Variants in SMAD2 observed in about 807,000 individuals in gnomAD.
The protein encoded by SMAD2 is SMAD family member 2, also known as MAD homolog 2.
A neutral mutation model predicts 64.4 loss-of-function variants in SMAD2; 8 were observed. That is an observed-to-expected ratio of 0.12 (90% confidence interval 0.07 to 0.22). SMAD2 has a LOEUF of 0.22. Among genes scored for constraint, SMAD2 ranks in the 10% least tolerant of loss-of-function variants. The pLI is 1.00. For missense variants in SMAD2, 289 were observed against 561.2 expected (o/e 0.51, Z 4.90); for synonymous variants, 203 against 195.8 (o/e 1.04, Z -0.31).
At position 47,856,093 on chromosome 18, in the gene SMAD2, G is replaced by A. The variant is rs571388374; in HGVS notation, c.731-4766C>T. Among the ~76,000 whole-genome samples, 111 of 151,740 alleles carry A rather than the reference G, an allele frequency of 7.3e-4. 5 individuals carry two copies. The South Asian group carries it at 0.023, about 31-fold the overall frequency. On this transcript the variant is annotated intron_variant, in intron 6 of 10. Transcript: ENST00000262160. ...TGAATCTGGAAGACATTATGCCAAG[G>A]AAATTAGGTGGACATAGAAAGACAC...
rs1188123733 is a variant in SMAD2 at position 47,814,744 on chromosome 18, A to T, written c.*27083T>A. 2 of 152,284 alleles carry T rather than the reference A, an allele frequency of 1.3e-5. No homozygotes were observed. Among genetic ancestry groups the T allele is most frequent in the Non-Finnish European group, 2.9e-5 (2 of 68,118 alleles). The allele number at this position is 152,284 out of a possible 1,614,324, so 9.4% of individuals were successfully genotyped here. On this transcript the variant is annotated 3_prime_UTR_variant, in exon 11 of 11. Transcript: ENST00000262160. Reference sequence around the variant, plus strand: ...GCACTAGCTCAGCATTGGTGGAAGGAGGTGTCTAGTCAGTCTGAGAAAATG... The same window carrying T: ...GCACTAGCTCAGCATTGGTGGAAGGTGGTGTCTAGTCAGTCTGAGAAAATG...
intron 1 of SMAD2, among the ~76,000 whole-genome samples, chr18:47,919,469 TACACACACACACACACAC>T (rs66523523): frequency 0.011 from 1,470 of 129,966 alleles, 22 homozygotes; most frequent in African/African-American, 0.032. Flanking sequence ...AAAAAAAAAA[TACACACACACACACACAC>T]ACACACACAC....
intron 2 of SMAD2, among the ~76,000 whole-genome samples, chr18:47,884,408 C>G (rs1242907938): frequency 6.6e-6 from 1 of 152,074 alleles, no homozygotes; most frequent in African/African-American, 2.4e-5. Flanking sequence ...CTACAGCCAG[C>G]AAGTGGAAGA....
In SMAD2 at chr18:47,841,892, G is replaced by T; in HGVS notation, c.1339C>A (p.Gln447Lys). The change falls in exon 11 of 11, where the codon CAG becomes AAG. Residue 447 changes from glutamine to lysine, a missense_variant. Coordinates refer to ENST00000262160, the MANE Select transcript of SMAD2 (RefSeq NM_005901.6). ...WIELHLNGPL[Q>K]WLDKVLTQMG... ...TGAGTTAATACTTTGTCCAACCACT[G>T]TAGAGGTCCATTCAGATGAAGTTCA... The T allele has an allele frequency of 1.2e-6, 2 of 1,613,956 alleles. No individual in the cohort carries two copies. The highest frequency in any genetic ancestry group is 1.7e-6 in the Non-Finnish European group (2 of 1,179,846).
At chr18:47,923,900 T>TA (rs1319718056) in intron 1 of SMAD2, among the ~76,000 whole-genome samples, 2 of 151,884 alleles carry the variant, frequency 1.3e-5, no homozygotes, top group Non-Finnish European at 2.9e-5. Context: ...AAACATTTTT[T>TA]AAAAAAAAGT....
At chr18:47,928,939 CTATT>C (rs1288557878) in intron 1 of SMAD2, among the ~76,000 whole-genome samples, 2 of 152,210 alleles carry the variant, frequency 1.3e-5, no homozygotes, top group Admixed American at 1.3e-4. Context: ...AAGATGTGAA[CTATT>C]TATATTTACT....
Position 47,838,263 on chromosome 18 carries a change from T to G in SMAD2, c.*3564A>C, listed in dbSNP as rs150782970. The G allele has an allele frequency of 5.4e-4, 125 of 233,124 alleles. No individual in the cohort carries two copies. Among genetic ancestry groups the G allele is most frequent in the African/African-American group, 2.7e-3 (121 of 45,442 alleles). The allele number at this position is 233,124 out of a possible 1,614,324, so 14.4% of individuals were successfully genotyped here. On this transcript the variant is annotated 3_prime_UTR_variant, in exon 11 of 11. Transcript: ENST00000262160. ...AAATCAAGCAAAACTCAATGTGGCT[T>G]AAGGTAAAAAATACAACTAGGTATT...
intron 2 of SMAD2, among the ~76,000 whole-genome samples, chr18:47,876,748 TGACTTTTGAAAACTGAAATTAAAATTTA>T (rs1345116069): frequency 2.0e-5 from 3 of 152,094 alleles, no homozygotes; most frequent in Non-Finnish European, 2.9e-5. Flanking sequence ...AAGAATAAGC[TGACTTTTGAAAACTGAAATTAAAATTTA>T]ATATCTAGTG....
intron 2 of SMAD2, chr18:47,878,244 T>C (rs2032379786): frequency 6.6e-6 from 1 of 152,192 alleles, no homozygotes; most frequent in Non-Finnish European, 1.5e-5. Context: ...AAAAATAAAC[T>C]AATACCAAGT....
chr18:47,911,062 G>C (rs1030241794), intron 1 of SMAD2, among the ~76,000 whole-genome samples: 2 of 152,080 alleles, frequency 1.3e-5, no homozygotes, highest in African/African-American at 4.8e-5. Context: ...GAAAATAATG[G>C]CCATAACTGC....
At chr18:47,926,994 G>C (rs943007310) in intron 1 of SMAD2, among the ~76,000 whole-genome samples, 1 of 152,148 alleles carries the variant, frequency 6.6e-6, no homozygotes, top group Non-Finnish European at 1.5e-5. Context: ...TATTAGGCTA[G>C]GGCTCTCTGA....
intron 2 of SMAD2, among the ~76,000 whole-genome samples, chr18:47,877,810 G>T (rs2032353660): frequency 6.6e-6 from 1 of 151,886 alleles, no homozygotes; most frequent in Non-Finnish European, 1.5e-5. Context: ...GAAAATTTGA[G>T]ATATTCCTGA....
At position 47,830,124 on chromosome 18, in the gene SMAD2, TGTG is replaced by T. The variant is rs767161658; in HGVS notation, c.*11700_*11702del. 1.3e-5 allele frequency: 2 copies of T among 152,220 alleles called. No individual in the cohort carries two copies. The highest frequency in any genetic ancestry group is 4.8e-5 in the African/African-American group (2 of 41,462). 9.4% of individuals were successfully genotyped at this position (152,220 alleles called of 1,614,324 possible). A position where few individuals can be genotyped will look rare whatever the true frequency, so the allele number is the denominator to read the frequency against. On this transcript the variant is annotated 3_prime_UTR_variant, in exon 11 of 11. Transcript: ENST00000262160. ...GTGATTGACGATGTACATTTTTAAA[TGTG>T]GTGATAACACGTTATTATTCATGAT...
intron 1 of SMAD2, among the ~76,000 whole-genome samples, chr18:47,917,180 T>C (rs1219343840): frequency 6.6e-6 from 1 of 152,242 alleles, no homozygotes; most frequent in African/African-American, 2.4e-5. Context: ...AATTGTACTC[T>C]TCCAATCCTT....
At position 47,823,569 on chromosome 18, in the gene SMAD2, G is replaced by T. The variant is rs1302737335; in HGVS notation, c.*18258C>A. ...GCTAAGATGTGATTAATTTTTAAAG[G>T]AGCAAGTCTCATGCTGATGTATGGG... On this transcript the variant is annotated 3_prime_UTR_variant, in exon 11 of 11. Coordinates refer to ENST00000262160, the MANE Select transcript of SMAD2 (RefSeq NM_005901.6). 6.6e-6 allele frequency: 1 copy of T among 152,122 alleles called. No individual in the cohort carries two copies. The highest frequency in any genetic ancestry group is 1.5e-5 in the Non-Finnish European group (1 of 68,030). 9.4% of individuals were successfully genotyped at this position (152,122 alleles called of 1,614,324 possible).
intron 5 of SMAD2, among the ~76,000 whole-genome samples, chr18:47,865,753 TA>T (rs1432606974): frequency 6.6e-5 from 10 of 152,164 alleles, no homozygotes; most frequent in African/African-American, 2.4e-4. Flanking sequence ...GACTACTGTA[TA>T]AAGAGGTAAA....
chr18:47,826,565 T>C lies in SMAD2; in HGVS notation c.*15262A>G, dbSNP rs1428100860. 6.6e-6 allele frequency: 1 copy of C among 152,232 alleles called. No individual in the cohort carries two copies. Among genetic ancestry groups the C allele is most frequent in the Non-Finnish European group, 1.5e-5 (1 of 68,044 alleles). The allele number at this position is 152,232 out of a possible 1,614,324, so 9.4% of individuals were successfully genotyped here. A position where few individuals can be genotyped will look rare whatever the true frequency, so the allele number is the denominator to read the frequency against. Reference sequence around the variant, plus strand: ...AGGCATGTGGAAAAATGCCAAGTCCTTCCAGGTGAGGCCAACTCCCTCATG... The same window carrying C: ...AGGCATGTGGAAAAATGCCAAGTCCCTCCAGGTGAGGCCAACTCCCTCATG... On this transcript the variant is annotated 3_prime_UTR_variant, in exon 11 of 11. Transcript: ENST00000262160.
intron 1 of SMAD2, among the ~76,000 whole-genome samples, chr18:47,921,387 T>A (rs1209682098): frequency 6.6e-6 from 1 of 152,198 alleles, no homozygotes; most frequent in South Asian, 2.1e-4. Context: ...AAAAGGCAAC[T>A]GTATGGCAAA....
intron 7 of SMAD2, among the ~76,000 whole-genome samples, chr18:47,850,009 A>G (rs1914945039): frequency 6.6e-6 from 1 of 150,608 alleles, no homozygotes; most frequent in South Asian, 2.1e-4. Flanking sequence ...TCTGTCTCAA[A>G]AAATAAATAA....
Sources: gnomAD v4.1 joint callset for allele counts (sites outside exome capture counted in the v4.1 genomes callset) on GRCh38, gnomAD v4.1.1 for gene constraint, MANE v1.5 for transcripts, NCBI Gene and HGNC (gene_info 2026-07-23, HGNC 2026-07-21) for gene names.